Variants in KDM2B observed in about 807,000 individuals in gnomAD.
KDM2B encodes the protein lysine-specific demethylase 2B.
In KDM2B, 26 loss-of-function variants were observed where a neutral mutation model predicts 150.0. The ratio of observed to expected loss-of-function variants is 0.17; its 90% CI spans 0.13 to 0.24. The LOEUF is 0.24. Ranked by LOEUF, KDM2B falls within the 10% of genes least tolerant of loss-of-function variation. The pLI, the probability that KDM2B is intolerant of heterozygous loss-of-function variation, is 1.00. For synonymous variants in KDM2B, 734 were observed against 729.5 expected (o/e 1.01, Z -0.10); for missense variants, 1,265 against 1,816.9 (o/e 0.70, Z 5.52).
At chr12:121,553,221 A>C (rs1889647660) in intron 4 of KDM2B, among the ~76,000 whole-genome samples, 1 of 148,828 alleles carries the variant, frequency 6.7e-6, no homozygotes, top group African/African-American at 2.5e-5. Context: ...ACAGAGCAAG[A>C]CTCTGTCTCA....
chr12:121,577,503 C>A (rs1891577709), intron 2 of KDM2B, among the ~76,000 whole-genome samples: 1 of 152,150 alleles, frequency 6.6e-6, no homozygotes, highest in Non-Finnish European at 1.5e-5. Flanking sequence ...CCAACAAACA[C>A]CCCTCACCAC....
chr12:121,471,480 C>T (rs1224787388), intron 12 of KDM2B, among the ~76,000 whole-genome samples: 4 of 152,100 alleles, frequency 2.6e-5, no homozygotes, highest in African/African-American at 9.7e-5. Context: ...CCCCTGGCTG[C>T]TAAGAGGTTT....
downstream of KDM2B, among the ~76,000 whole-genome samples, chr12:121,425,889 C>T (rs141120945): frequency 0.032 from 4,795 of 152,030 alleles, 268 homozygotes; most frequent in African/African-American, 0.11. Context: ...GCCTCAGCCT[C>T]CCAAGTAGCT....
Position 121,509,740 on chromosome 12 carries a change from T to C in KDM2B, c.1474A>G (p.Lys492Glu), listed in dbSNP as rs1227060054. The C allele has an allele frequency of 1.2e-6, 2 of 1,613,924 alleles. No individual in the cohort carries two copies. Among genetic ancestry groups the C allele is most frequent in the African/African-American group, 2.7e-5 (2 of 74,904 alleles). The change falls in exon 11 of 23, where the codon AAG (lysine) becomes GAG (glutamate). Residue 492 changes from lysine to glutamate, a missense_variant. Lys to Glu is a moderately conservative substitution (Grantham distance 56, BLOSUM62 1). Around this residue, in one of 11 missense-constraint regions of KDM2B, gnomAD observed 154 missense variants for 162.5 expected, o/e 0.95. Transcript: ENST00000377071. ...GTGGCGGGAGAGCCGGTGGGGGTCTTGGGGTAGTCTACGGCCAATGTGGTG... is the reference window on the plus strand; with the variant it reads ...GTGGCGGGAGAGCCGGTGGGGGTCTCGGGGTAGTCTACGGCCAATGTGGTG... ...KSTTLAVDYP[K>E]TPTGSPATEV...
chr12:121,495,685 A>G (rs1345597772), intron 11 of KDM2B, among the ~76,000 whole-genome samples: 2 of 152,172 alleles, frequency 1.3e-5, no homozygotes, highest in Non-Finnish European at 2.9e-5. Context: ...TACTCAGCGA[A>G]GCAAACAAAA....
chr12:121,538,624 G>A (rs1355372392), intron 6 of KDM2B, among the ~76,000 whole-genome samples: 1 of 152,064 alleles, frequency 6.6e-6, no homozygotes, highest in Non-Finnish European at 1.5e-5. Context: ...CATATTCACC[G>A]CATCATCCAA....
intron 8 of KDM2B, among the ~76,000 whole-genome samples, chr12:121,525,210 A>G (rs1188971155): frequency 2.6e-5 from 4 of 152,168 alleles, no homozygotes; most frequent in Non-Finnish European, 4.4e-5. Flanking sequence ...CCAGGGGCCA[A>G]TTACTTCACG....
At chr12:121,578,317 G>A (rs1043691243) in intron 2 of KDM2B, among the ~76,000 whole-genome samples, 16 of 152,110 alleles carry the variant, frequency 1.1e-4, no homozygotes, top group African/African-American at 3.6e-4. Context: ...CACCCGACGC[G>A]CCCCCATCAC....
chr12:121,423,615 G>A, the KDM2B span: 2 of 1,562,642 alleles, frequency 1.3e-6, no homozygotes, highest in Non-Finnish European at 1.8e-6. This position sits in a 1 kb window ranked among gnomAD's most constrained non-coding sequence, Gnocchi z 4.3. Flanking sequence ...CCCCAAACTT[G>A]ACCCCCAACA....
At chr12:121,498,247 G>A (rs369778272) in intron 11 of KDM2B, among the ~76,000 whole-genome samples, 6 of 152,094 alleles carry the variant, frequency 3.9e-5, no homozygotes, top group Admixed American at 2.0e-4. Flanking sequence ...GGAGAAGACC[G>A]TCACTTCCAC....
intron 6 of KDM2B, among the ~76,000 whole-genome samples, chr12:121,544,712 A>T (rs747264893): frequency 1.2e-4 from 18 of 152,152 alleles, no homozygotes; most frequent in Admixed American, 3.3e-4. Flanking sequence ...CAGGAGTTCG[A>T]GACCGGCCTG....
rs551028287 is a variant in KDM2B, at chr12:121,500,352, G to A, written c.1648-5687C>T. ...CTCCGAAAGTCCAGGGCAGGTTTTC[G>A]AAGAGAAAGATCCAACCGTGGGACC... is the stretch of plus-strand genomic sequence containing the variant. On this transcript the variant is annotated intron_variant, in intron 11 of 22. Coordinates refer to ENST00000377071, the MANE Select transcript of KDM2B (RefSeq NM_032590.5). Among the ~76,000 whole-genome samples the A allele has an allele frequency of 3.3e-5, 5 of 152,162 alleles. No homozygotes were observed. The South Asian group carries it at 6.2e-4, about 19-fold the overall frequency.
At chr12:121,480,928 TGTTG>T (rs1566319415) in intron 12 of KDM2B, among the ~76,000 whole-genome samples, 5 of 120,326 alleles carry the variant, frequency 4.2e-5, no homozygotes, top group East Asian at 2.9e-4. Flanking sequence ...GTGTTTTTTT[TGTTG>T]TTTTTTTTTT....
chr12:121,493,060 T>A (rs907954848), intron 12 of KDM2B, among the ~76,000 whole-genome samples: 31 of 82,268 alleles, frequency 3.8e-4, no homozygotes, highest in East Asian at 3.4e-4. Flanking sequence ...CATGCCTGGC[T>A]TTTTTTTTTT....
intron 4 of KDM2B, among the ~76,000 whole-genome samples, chr12:121,572,174 G>A (rs1891147488): frequency 6.6e-6 from 1 of 152,074 alleles, no homozygotes; most frequent in East Asian, 1.9e-4. Flanking sequence ...CTCTAGCTTG[G>A]ACAAAAGCAC....
chr12:121,538,219 C>G (rs1329031454), intron 6 of KDM2B, among the ~76,000 whole-genome samples: 3 of 151,968 alleles, frequency 2.0e-5, no homozygotes, highest in Non-Finnish European at 1.5e-5. Flanking sequence ...CGCCAGGAGA[C>G]GCCCCTCGCC....
the KDM2B span, chr12:121,417,613 G>A: frequency 1.2e-6 from 2 of 1,614,014 alleles, no homozygotes; most frequent in South Asian, 1.1e-5. This position sits in a 1 kb window ranked among gnomAD's most constrained non-coding sequence, Gnocchi z 5.0. Flanking sequence ...GCATTTCAGC[G>A]CCCTCAGTTA....
intron 12 of KDM2B, among the ~76,000 whole-genome samples, chr12:121,465,288 C>T (rs186260823): frequency 5.6e-4 from 85 of 152,274 alleles, no homozygotes; most frequent in African/African-American, 1.9e-3. Context: ...AGTGCAGTGG[C>T]ACGATCTCGG....
chr12:121,511,347 C>T (rs61953502), intron 10 of KDM2B, among the ~76,000 whole-genome samples: 3,070 of 135,272 alleles, frequency 0.023, 45 homozygotes, highest in Non-Finnish European at 0.028. Context: ...AGTGCAATGG[C>T]GCGATCTCGG....
Sources: gnomAD v4.1 joint callset for allele counts (sites outside exome capture counted in the v4.1 genomes callset) on GRCh38, gnomAD v4.1.1 for gene constraint, gnomAD v4.1.1 regional missense constraint, Gnocchi (gnomAD v3.1) non-coding constraint, MANE v1.5 for transcripts, NCBI Gene and HGNC (gene_info 2026-07-23, HGNC 2026-07-21) for gene names.